BACH2: variants seen among roughly 807,000 people sequenced by gnomAD.
BACH2 encodes the protein transcription regulator protein BACH2.
Under a neutral mutation model 61.8 loss-of-function variants are expected in BACH2, and 5 were observed. The ratio of observed to expected loss-of-function variants is 0.08; its 90% CI spans 0.04 to 0.17. The LOEUF (loss-of-function observed/expected upper bound fraction) is 0.17, where lower values mean the gene tolerates loss of function less well. Among genes scored for constraint, BACH2 ranks in the 10% least tolerant of loss-of-function variants. BACH2 has a pLI of 1.00. For synonymous variants in BACH2, 446 were observed against 440.1 expected, an observed-to-expected ratio of 1.01 and a Z score of -0.17; for missense variants, 824 against 1,091.1, an observed-to-expected ratio of 0.76 and a Z score of 3.45.
intron 4 of BACH2, among the ~76,000 whole-genome samples, chr6:90,163,103 G>A (rs770775168): frequency 3.3e-5 from 5 of 152,130 alleles, no homozygotes; most frequent in Non-Finnish European, 7.4e-5. Flanking sequence ...TAAAGATGAT[G>A]CATACAAACA....
chr6:90,132,744 G>C (rs1282003540), intron 4 of BACH2, among the ~76,000 whole-genome samples: 2 of 152,122 alleles, frequency 1.3e-5, no homozygotes, highest in East Asian at 3.9e-4. Context: ...CTTACAAAAG[G>C]GCAGTCCACA....
rs920586951 is a variant in BACH2 at position 90,162,371 on chromosome 6, G to C, written c.-162+44198C>G. Among the ~76,000 whole-genome samples the C allele has an allele frequency of 7.9e-5, 12 of 152,180 alleles. 1 individual carries two copies. The highest frequency in any genetic ancestry group is 2.7e-4 in the African/African-American group (11 of 41,436). On this transcript the variant is annotated intron_variant, in intron 4 of 8. Coordinates refer to ENST00000257749, the MANE Select transcript of BACH2 (RefSeq NM_021813.4). ...TCAGAGACCAGGGCCAGGTGTGGTG[G>C]CTTATGCCTGTAATCCTAGCGCTTT...
Position 90,148,889 on chromosome 6 carries a change from G to A in BACH2, c.-162+57680C>T, listed in dbSNP as rs776371386. On this transcript the variant is annotated intron_variant, in intron 4 of 8. Transcript: ENST00000257749. Reference sequence around the variant, plus strand: ...AGGAACACAATCAGGTGGTGGTCTCGTGTACAGGGACCTATGAAACACCAG... The same window carrying A: ...AGGAACACAATCAGGTGGTGGTCTCATGTACAGGGACCTATGAAACACCAG... Among the ~76,000 whole-genome samples the A allele has an allele frequency of 4.1e-4, 62 of 152,294 alleles. 1 individual carries two copies. Among genetic ancestry groups the A allele is most frequent in the African/African-American group, 4.3e-4 (18 of 41,544 alleles).
At chr6:90,295,910 C>T (rs1772349237) in intron 1 of BACH2, among the ~76,000 whole-genome samples, 1 of 152,152 alleles carries the variant, frequency 6.6e-6, no homozygotes, top group African/African-American at 2.4e-5. Flanking sequence ...CCGGGCCACC[C>T]GGCGGCGGCT....
At chr6:89,985,436 T>C (rs1032477007) in intron 6 of BACH2, among the ~76,000 whole-genome samples, 7 of 151,988 alleles carry the variant, frequency 4.6e-5, no homozygotes, top group African/African-American at 1.7e-4. Context: ...CCAGATGCTG[T>C]GGGGAGGTGG....
intron 4 of BACH2, among the ~76,000 whole-genome samples, chr6:90,157,099 C>T (rs1012953193): frequency 1.3e-5 from 2 of 152,208 alleles, no homozygotes; most frequent in Non-Finnish European, 2.9e-5. Flanking sequence ...TGACTCTCAA[C>T]CTCCTTAGAG....
At chr6:90,025,650 A>C (rs1165741059) in intron 5 of BACH2, among the ~76,000 whole-genome samples, 1 of 152,178 alleles carries the variant, frequency 6.6e-6, no homozygotes, top group Non-Finnish European at 1.5e-5. Flanking sequence ...TCACGCTGCT[A>C]ATGTGAGAAG....
At chr6:90,056,368 A>G (rs1434609897) in intron 5 of BACH2, among the ~76,000 whole-genome samples, 2 of 152,154 alleles carry the variant, frequency 1.3e-5, no homozygotes, top group African/African-American at 2.4e-5. Context: ...ATCAAAAGAG[A>G]CAAAGAAGGC....
intron 4 of BACH2, among the ~76,000 whole-genome samples, chr6:90,145,872 A>G (rs1784600563): frequency 6.6e-6 from 1 of 152,214 alleles, no homozygotes; most frequent in South Asian, 2.1e-4. Flanking sequence ...GCAGCTGGGG[A>G]GAAACCGGTA....
intron 4 of BACH2, among the ~76,000 whole-genome samples, chr6:90,154,144 G>A (rs1200519378): frequency 6.6e-6 from 1 of 152,126 alleles, no homozygotes; most frequent in East Asian, 1.9e-4. Context: ...TATTTTGGCT[G>A]GGAGTGAGGG....
At chr6:90,079,037 A>T (rs1338233434) in intron 5 of BACH2, among the ~76,000 whole-genome samples, 2 of 152,168 alleles carry the variant, frequency 1.3e-5, no homozygotes. Context: ...ACAACCACTC[A>T]GTCAGTGGAA....
chr6:90,004,406 A>C (rs1777296754), intron 6 of BACH2, among the ~76,000 whole-genome samples: 1 of 152,204 alleles, frequency 6.6e-6, no homozygotes, highest in Admixed American at 6.5e-5. Context: ...ACTCACCCCC[A>C]GCCTGTAGCT....
At chr6:90,275,307 T>C (rs772943945) in intron 1 of BACH2, among the ~76,000 whole-genome samples, 2 of 152,200 alleles carry the variant, frequency 1.3e-5, no homozygotes, top group African/African-American at 4.8e-5. Flanking sequence ...TGAGAGAACA[T>C]ACCTGCTCTT....
intron 6 of BACH2, among the ~76,000 whole-genome samples, chr6:90,003,060 G>A (rs1200217076): frequency 2.0e-5 from 3 of 152,196 alleles, no homozygotes. Flanking sequence ...CTGGGTTGCT[G>A]TCTTAGCCTC....
chr6:90,054,096 C>A (rs1780194318), intron 5 of BACH2, among the ~76,000 whole-genome samples: 1 of 152,176 alleles, frequency 6.6e-6, no homozygotes, highest in South Asian at 2.1e-4. Context: ...GTTCATCTCA[C>A]TGGGGAGTGC....
intron 6 of BACH2, among the ~76,000 whole-genome samples, chr6:89,998,511 C>A (rs1776971389): frequency 6.6e-6 from 1 of 152,000 alleles, no homozygotes; most frequent in Admixed American, 6.6e-5. Flanking sequence ...CCTAGGAAAC[C>A]AAAAGTGTTA....
chr6:90,133,321 C>G (rs1784140991), intron 4 of BACH2, among the ~76,000 whole-genome samples: 1 of 152,110 alleles, frequency 6.6e-6, no homozygotes, highest in East Asian at 1.9e-4. Context: ...TAACTGGCCC[C>G]TCTGGGTGGA....
intron 5 of BACH2, among the ~76,000 whole-genome samples, chr6:90,080,478 C>T (rs1045989506): frequency 4.6e-5 from 7 of 151,966 alleles, no homozygotes; most frequent in South Asian, 2.1e-4. Context: ...ACCATCTTGA[C>T]GGCAAATAAT....
At chr6:89,949,842 A>G (rs1773967262) in intron 7 of BACH2, among the ~76,000 whole-genome samples, 1 of 152,046 alleles carries the variant, frequency 6.6e-6, no homozygotes, top group African/African-American at 2.4e-5. Context: ...GTTTCAATCA[A>G]TCAATCTGGA....
Sources: gnomAD v4.1 joint callset for allele counts (sites outside exome capture counted in the v4.1 genomes callset) on GRCh38, gnomAD v4.1.1 for gene constraint, MANE v1.5 for transcripts, NCBI Gene and HGNC (gene_info 2026-07-23, HGNC 2026-07-21) for gene names.